Variants in FBXL17 observed in about 807,000 individuals in gnomAD.
The protein encoded by FBXL17 is F-box and leucine rich repeat protein 17, also known as F-box/LRR-repeat protein 17.
A neutral mutation model predicts 66.2 loss-of-function variants in FBXL17; 22 were observed. That is an observed-to-expected ratio of 0.33 (90% CI 0.24 to 0.47). The LOEUF is 0.47. FBXL17 is among the 20% of genes least tolerant of loss of function. The pLI, the probability that FBXL17 is intolerant of heterozygous loss-of-function variation, is 1.00. For synonymous variants in FBXL17, 474 were observed against 400.5 expected (o/e 1.18, Z -2.19); for missense variants, 878 against 948.2 (o/e 0.93, Z 0.97).
chr5:107,894,423 G>T (rs909076798), intron 7 of FBXL17, among the ~76,000 whole-genome samples: 3 of 152,130 alleles, frequency 2.0e-5, no homozygotes, highest in Non-Finnish European at 4.4e-5. Flanking sequence ...AAAGATGGGG[G>T]ACATTGGTGG....
chr5:108,285,137 T>A (rs879420211), intron 4 of FBXL17, among the ~76,000 whole-genome samples: 1 of 151,926 alleles, frequency 6.6e-6, no homozygotes, highest in Non-Finnish European at 1.5e-5. Flanking sequence ...AGTTTGATCA[T>A]GCAACTGCAG....
intron 4 of FBXL17, among the ~76,000 whole-genome samples, chr5:108,336,550 C>G (rs1760390266): frequency 6.6e-6 from 1 of 152,020 alleles, no homozygotes. Flanking sequence ...ATGAGATGTA[C>G]AACCATGTGA....
At chr5:108,039,235 G>A (rs1746957406) in intron 6 of FBXL17, among the ~76,000 whole-genome samples, 1 of 151,784 alleles carries the variant, frequency 6.6e-6, no homozygotes, top group South Asian at 2.1e-4. Context: ...TGTAAATCAA[G>A]TATTTAATTA....
chr5:108,022,529 C>T (rs1754642334), intron 6 of FBXL17, among the ~76,000 whole-genome samples: 1 of 151,918 alleles, frequency 6.6e-6, no homozygotes, highest in Non-Finnish European at 1.5e-5. Context: ...ATATACATAT[C>T]TCACTGTCCT....
At chr5:107,911,901 C>T (rs190253185) in intron 7 of FBXL17, among the ~76,000 whole-genome samples, 4 of 151,788 alleles carry the variant, frequency 2.6e-5, no homozygotes, top group Non-Finnish European at 5.9e-5. Flanking sequence ...TAAAACCGGC[C>T]AATAAATATA....
At chr5:108,110,911 A>T (rs1030492328) in intron 6 of FBXL17, among the ~76,000 whole-genome samples, 1 of 152,190 alleles carries the variant, frequency 6.6e-6, no homozygotes, top group Non-Finnish European at 1.5e-5. Context: ...ATATCATAAT[A>T]ATTATTAAAC....
At chr5:108,090,433 C>CT (rs1422768581) in intron 6 of FBXL17, among the ~76,000 whole-genome samples, 1 of 152,102 alleles carries the variant, frequency 6.6e-6, no homozygotes, top group Non-Finnish European at 1.5e-5. Flanking sequence ...ATGGTCCCCC[C>CT]TTTTTTTCCA....
chr5:108,332,563 T>C (rs1296149475), intron 4 of FBXL17, among the ~76,000 whole-genome samples: 1 of 152,094 alleles, frequency 6.6e-6, no homozygotes, highest in Admixed American at 6.6e-5. Context: ...TGGTTTCAAG[T>C]TACTGTCCGT....
chr5:108,032,095 TTAAA>T (rs1338870752), intron 6 of FBXL17, among the ~76,000 whole-genome samples: 1 of 152,192 alleles, frequency 6.6e-6, no homozygotes, highest in Non-Finnish European at 1.5e-5. Context: ...CTTCTCAACT[TTAAA>T]TATCCTCCAC....
chr5:108,027,738 G>A (rs1170144507), intron 6 of FBXL17, among the ~76,000 whole-genome samples: 1 of 152,012 alleles, frequency 6.6e-6, no homozygotes, highest in Non-Finnish European at 1.5e-5. Flanking sequence ...TCAACTGAAG[G>A]TCAGCATTTC....
chr5:108,240,208 C>T (rs558900007), intron 4 of FBXL17, among the ~76,000 whole-genome samples: 11 of 152,244 alleles, frequency 7.2e-5, no homozygotes, highest in Admixed American at 3.3e-4. Context: ...TATCTTGCAG[C>T]TTAGGTACCA....
chr5:108,051,112 A>C (rs1747456044), intron 6 of FBXL17, among the ~76,000 whole-genome samples: 2 of 152,334 alleles, frequency 1.3e-5, no homozygotes, highest in East Asian at 1.9e-4. Context: ...CCAACCAAAG[A>C]AAGCCCAGGA....
chr5:108,165,719 G>A (rs1472066616), intron 6 of FBXL17, among the ~76,000 whole-genome samples: 1 of 152,130 alleles, frequency 6.6e-6, no homozygotes, highest in South Asian at 2.1e-4. Context: ...TGTCCTGCTC[G>A]GGAGTTCTTT....
intron 4 of FBXL17, among the ~76,000 whole-genome samples, chr5:108,326,314 T>C (rs1170667252): frequency 2.6e-5 from 4 of 151,876 alleles, no homozygotes; most frequent in African/African-American, 9.7e-5. Context: ...AAGATTTGGC[T>C]GGGCGCAGTG....
chr5:108,188,819 T>C (rs1284750506), intron 5 of FBXL17, among the ~76,000 whole-genome samples: 1 of 152,204 alleles, frequency 6.6e-6, no homozygotes, highest in Non-Finnish European at 1.5e-5. Flanking sequence ...CTGTTTCCTA[T>C]ATCTTACCTC....
At chr5:108,317,066 G>C (rs1378586856) in intron 4 of FBXL17, among the ~76,000 whole-genome samples, 1 of 151,088 alleles carries the variant, frequency 6.6e-6, no homozygotes, top group Non-Finnish European at 1.5e-5. Context: ...CTAGTTCTGA[G>C]TTATACCACT....
intron 6 of FBXL17, among the ~76,000 whole-genome samples, chr5:108,145,427 C>T (rs565213824): frequency 6.6e-6 from 1 of 152,134 alleles, no homozygotes; most frequent in Non-Finnish European, 1.5e-5. Flanking sequence ...AAATCCAACA[C>T]CAGATAGGTA....
At chr5:108,000,187 T>C (rs1264795761) in intron 7 of FBXL17, among the ~76,000 whole-genome samples, 2 of 152,226 alleles carry the variant, frequency 1.3e-5, no homozygotes, top group Non-Finnish European at 2.9e-5. Context: ...TTATTGTTGT[T>C]TGTATGCATA....
chr5:108,092,347 C>CA (rs1258038308), intron 6 of FBXL17, among the ~76,000 whole-genome samples: 4 of 152,132 alleles, frequency 2.6e-5, no homozygotes, highest in Non-Finnish European at 5.9e-5. Flanking sequence ...ACTCCTGTTG[C>CA]ACAGGTTGGA....
Sources: gnomAD v4.1 joint callset for allele counts (sites outside exome capture counted in the v4.1 genomes callset) on GRCh38, gnomAD v4.1.1 for gene constraint, MANE v1.5 for transcripts, NCBI Gene and HGNC (gene_info 2026-07-23, HGNC 2026-07-21) for gene names.